The following IQCJ variants were observed in gnomAD, a reference collection of about 807,000 sequenced individuals.
The protein encoded by IQCJ is IQ motif containing J, also known as IQ domain-containing protein J.
In IQCJ, 9 loss-of-function variants were observed where a neutral mutation model predicts 11.0. That is an observed-to-expected ratio of 0.82 (90% confidence interval 0.49 to 1.43). The LOEUF is 1.43. IQCJ is among the 40% of genes most tolerant of loss of function. IQCJ has a pLI of 0.00. For missense variants in IQCJ, 146 were observed against 133.2 expected, an observed-to-expected ratio of 1.10 and a Z score of -0.47; for synonymous variants, 55 against 51.3, an observed-to-expected ratio of 1.07 and a Z score of -0.31.
chr3:159,122,678 G>A (rs923620440), intron 1 of IQCJ, among the ~76,000 whole-genome samples: 6 of 151,960 alleles, frequency 3.9e-5, no homozygotes, highest in Admixed American at 3.3e-4. Context: ...AAAATGATAC[G>A]TGAATAAAGT....
chr3:159,083,994 C>T (rs139204394), intron 1 of IQCJ, among the ~76,000 whole-genome samples: 4 of 151,858 alleles, frequency 2.6e-5, no homozygotes, highest in South Asian at 4.1e-4. Flanking sequence ...CTGTGGTAGT[C>T]GTTACATGAA....
chr3:159,078,186 T>C (rs1049861531), intron 1 of IQCJ, among the ~76,000 whole-genome samples: 3 of 152,176 alleles, frequency 2.0e-5, no homozygotes, highest in African/African-American at 7.2e-5. Flanking sequence ...TCCTCAGGAC[T>C]TATTAATGCT....
intron 1 of IQCJ, among the ~76,000 whole-genome samples, chr3:159,223,824 A>G (rs1033042415): frequency 2.0e-5 from 3 of 152,192 alleles, no homozygotes; most frequent in Non-Finnish European, 2.9e-5. Context: ...GGACAAAGTC[A>G]TTTAAAATAT....
intron 1 of IQCJ, among the ~76,000 whole-genome samples, chr3:159,168,981 T>TGATGAC (rs1722332189): frequency 6.6e-6 from 1 of 151,708 alleles, no homozygotes; most frequent in Admixed American, 6.6e-5. Context: ...ATGATGATGA[T>TGATGAC]GATGATGATG....
At chr3:159,122,596 CT>C (rs1316711865) in intron 1 of IQCJ, among the ~76,000 whole-genome samples, 1 of 152,042 alleles carries the variant, frequency 6.6e-6, no homozygotes, top group African/African-American at 2.4e-5. Context: ...GAAAAGTTTC[CT>C]TTTCTTCACT....
chr3:159,108,353 A>G (rs1244652192), intron 1 of IQCJ, among the ~76,000 whole-genome samples: 1 of 152,198 alleles, frequency 6.6e-6, no homozygotes, highest in Non-Finnish European at 1.5e-5. Flanking sequence ...ATCTCAGCAA[A>G]TAAAGATAGC....
downstream of IQCJ, chr3:159,265,391 C>T: frequency 1.2e-6 from 2 of 1,612,850 alleles, no homozygotes; most frequent in South Asian, 2.2e-5. Flanking sequence ...TTGGTTTTCT[C>T]ACCCTCCAGT....
Position 159,263,702 on chromosome 3 carries a change from T to C in IQCJ, c.*971T>C. 1 of 985,380 alleles carries C rather than the reference T, an allele frequency of 1.0e-6. No individual in the cohort carries two copies. Among genetic ancestry groups the C allele is most frequent in the Non-Finnish European group, 1.2e-6 (1 of 829,860 alleles). 61.0% of individuals were successfully genotyped at this position (985,380 alleles called of 1,614,324 possible). A position where few individuals can be genotyped will look rare whatever the true frequency, so the allele number is the denominator to read the frequency against. ...TTTTGGGATCAGGTAAAAGTTACTG[T>C]ATTTGAAATGTTTTCAGATGGTTGC... is the stretch of plus-strand genomic sequence containing the variant. On this transcript the variant is annotated 3_prime_UTR_variant, in exon 4 of 4. Transcript: ENST00000397832.
chr3:159,244,269 AG>A (rs1357153950), intron 1 of IQCJ, among the ~76,000 whole-genome samples: 1 of 152,202 alleles, frequency 6.6e-6, no homozygotes, highest in East Asian at 1.9e-4. Context: ...GAGTTAGGAT[AG>A]ATAGAGAAGA....
intron 1 of IQCJ, among the ~76,000 whole-genome samples, chr3:159,084,308 A>C (rs1559977725): frequency 6.6e-6 from 1 of 152,084 alleles, no homozygotes; most frequent in East Asian, 1.9e-4. Context: ...CGGTTTGGAA[A>C]TGTTGAGTTT....
intron 1 of IQCJ, among the ~76,000 whole-genome samples, chr3:159,160,420 A>C (rs1248076164): frequency 6.6e-6 from 1 of 152,070 alleles, no homozygotes; most frequent in African/African-American, 2.4e-5. Flanking sequence ...CTTCTGCCTC[A>C]ACCTCCTGAG....
downstream of IQCJ, chr3:159,265,072 G>T (rs1728424929): frequency 1.7e-6 from 1 of 583,942 alleles, no homozygotes; most frequent in Non-Finnish European, 3.0e-6. Flanking sequence ...AATAAAATAT[G>T]AAAATATAAG....
chr3:159,109,595 A>G (rs1212527636), intron 1 of IQCJ, among the ~76,000 whole-genome samples: 1 of 149,654 alleles, frequency 6.7e-6, no homozygotes, highest in East Asian at 2.0e-4. Context: ...CCGCTTGTCT[A>G]GCAAGAAATA....
intron 1 of IQCJ, among the ~76,000 whole-genome samples, chr3:159,118,489 A>G (rs1484002365): frequency 2.0e-5 from 3 of 152,252 alleles, no homozygotes; most frequent in Non-Finnish European, 4.4e-5. Context: ...ATCGGCTCAT[A>G]AAATCTCCAA....
chr3:159,190,750 A>G (rs1212221678), intron 1 of IQCJ, among the ~76,000 whole-genome samples: 4 of 152,178 alleles, frequency 2.6e-5, no homozygotes, highest in Non-Finnish European at 5.9e-5. Flanking sequence ...ATTTTGCTGA[A>G]CTTTTCCATG....
chr3:159,163,068 T>C (rs905529770), intron 1 of IQCJ, among the ~76,000 whole-genome samples: 1 of 152,356 alleles, frequency 6.6e-6, no homozygotes, highest in South Asian at 2.1e-4. Context: ...CCCTAACTCA[T>C]TTTATGAGGC....
At chr3:159,262,177 A>G (rs1475048190) in intron 3 of IQCJ, among the ~76,000 whole-genome samples, 1 of 152,250 alleles carries the variant, frequency 6.6e-6, no homozygotes, top group Non-Finnish European at 1.5e-5. Context: ...TAGTCAGCCT[A>G]TTTATTATTC....
At chr3:159,247,324 G>GTGATC (rs138762679) in intron 2 of IQCJ, among the ~76,000 whole-genome samples, 1,555 of 152,226 alleles carry the variant, frequency 0.01, 27 homozygotes, top group African/African-American at 0.036. Context: ...TCAAACTCCT[G>GTGATC]ACCTCAAGTG....
chr3:159,110,761 C>A (rs1718574880), intron 1 of IQCJ, among the ~76,000 whole-genome samples: 1 of 152,172 alleles, frequency 6.6e-6, no homozygotes, highest in African/African-American at 2.4e-5. Context: ...CTGCATCTGG[C>A]ATAAACGGGC....
Sources: allele counts gnomAD v4.1 joint callset (sites outside exome capture counted in the v4.1 genomes callset), GRCh38; gene constraint gnomAD v4.1.1; transcripts MANE v1.5; gene names NCBI Gene and HGNC (gene_info 2026-07-23, HGNC 2026-07-21).